TMEM135: variants seen among roughly 807,000 people sequenced by gnomAD.
The protein encoded by TMEM135 is peroxisomal membrane protein 52.
TMEM135 carries 30 observed loss-of-function variants against 60.3 expected under a neutral mutation model. That is an observed-to-expected ratio of 0.50 (90% CI 0.37 to 0.68). The LOEUF is 0.68. TMEM135 is among the 30% of genes least tolerant of loss of function. The pLI is 0.00. For synonymous variants in TMEM135, 190 were observed against 186.7 expected (o/e 1.02, Z -0.14); for missense variants, 468 against 548.8 (o/e 0.85, Z 1.47).
At chr11:87,084,207 G>A (rs138497437) in intron 3 of TMEM135, among the ~76,000 whole-genome samples, 3 of 152,288 alleles carry the variant, frequency 2.0e-5, no homozygotes, top group East Asian at 3.9e-4. Context: ...AGCAGGATGT[G>A]TGGATACTTT....
intron 5 of TMEM135, among the ~76,000 whole-genome samples, chr11:87,191,477 G>A (rs930743038): frequency 5.3e-5 from 8 of 152,080 alleles, no homozygotes; most frequent in East Asian, 3.9e-4. Flanking sequence ...TCTTGACCTC[G>A]TGATCTGCCT....
intron 3 of TMEM135, among the ~76,000 whole-genome samples, chr11:87,076,569 C>T (rs2135148727): frequency 6.6e-6 from 1 of 152,326 alleles, no homozygotes; most frequent in Non-Finnish European, 1.5e-5. Context: ...AGACAAAGTT[C>T]CCTTTTGTTT....
At chr11:87,077,682 C>T (rs535161546) in intron 3 of TMEM135, among the ~76,000 whole-genome samples, 12 of 152,280 alleles carry the variant, frequency 7.9e-5, no homozygotes, top group Admixed American at 2.6e-4. Flanking sequence ...AGTTGTTTAA[C>T]TACCATCACA....
chr11:87,323,641 G>A lies in TMEM135; in HGVS notation c.*2308G>A, dbSNP rs1169926203. The A allele has an allele frequency of 2.2e-6, 1 of 453,690 alleles. No individual in the cohort carries two copies. The highest frequency in any genetic ancestry group is 2.4e-5 in the Admixed American group (1 of 42,522). The allele number at this position is 453,690 out of a possible 1,614,324, so 28.1% of individuals were successfully genotyped here. A position where few individuals can be genotyped will look rare whatever the true frequency, so the allele number is the denominator to read the frequency against. On this transcript the variant is annotated 3_prime_UTR_variant, in exon 15 of 15. Transcript: ENST00000305494. ...TCTTTCTGACATTTTTATATAGATT[G>A]AGATTGAAAAACCGTGCATTTGGGG...
At chr11:87,115,942 A>G (rs1258143375) in intron 4 of TMEM135, among the ~76,000 whole-genome samples, 6 of 152,192 alleles carry the variant, frequency 3.9e-5, no homozygotes, top group Admixed American at 2.0e-4. Flanking sequence ...TATTTAACCT[A>G]TCAGTGAAAT....
chr11:87,063,626 A>G (rs1239503151), intron 1 of TMEM135, among the ~76,000 whole-genome samples: 1 of 152,238 alleles, frequency 6.6e-6, no homozygotes, highest in Non-Finnish European at 1.5e-5. Context: ...AAACAGAGGC[A>G]GTGGTCACCC....
intron 3 of TMEM135, among the ~76,000 whole-genome samples, chr11:87,087,302 A>AC (rs1488627929): frequency 6.6e-6 from 1 of 152,064 alleles, no homozygotes; most frequent in Non-Finnish European, 1.5e-5. Context: ...AAAAAAAAAA[A>AC]AAAAACCTTC....
At chr11:87,132,223 G>A (rs111500594) in intron 4 of TMEM135, among the ~76,000 whole-genome samples, 2,354 of 152,172 alleles carry the variant, frequency 0.015, 25 homozygotes, top group Non-Finnish European at 0.023. Context: ...CTGGTTCATG[G>A]AAAAATTATC....
intron 6 of TMEM135, among the ~76,000 whole-genome samples, chr11:87,248,257 G>T (rs1042605612): frequency 6.6e-6 from 1 of 152,116 alleles, no homozygotes; most frequent in African/African-American, 2.4e-5. Context: ...TCTATTTTTA[G>T]TTCTTTGAGA....
chr11:87,270,804 T>C (rs1026171280), intron 6 of TMEM135, among the ~76,000 whole-genome samples: 1 of 152,202 alleles, frequency 6.6e-6, no homozygotes, highest in African/African-American at 2.4e-5. Context: ...TATGTAATTT[T>C]GGCTTATAGG....
chr11:87,141,743 T>C (rs1365681853), intron 4 of TMEM135, among the ~76,000 whole-genome samples: 1 of 152,126 alleles, frequency 6.6e-6, no homozygotes, highest in African/African-American at 2.4e-5. Flanking sequence ...TAGCAGTGTC[T>C]ACCCTGCAGA....
Position 87,157,341 on chromosome 11 carries a change from G to A in TMEM135, c.397G>A (p.Ala133Thr). The A allele has an allele frequency of 6.2e-7, 1 of 1,611,776 alleles. No homozygotes were observed. Among genetic ancestry groups the A allele is most frequent in the Non-Finnish European group, 8.5e-7 (1 of 1,178,938 alleles). Residue 133 changes from alanine to threonine, a missense_variant and splice_region_variant, in exon 5 of 15, where the codon GCC (alanine) becomes ACC (threonine). Ala to Thr is a moderately conservative substitution (Grantham distance 58, BLOSUM62 0). Coordinates refer to ENST00000305494, the MANE Select transcript of TMEM135 (RefSeq NM_022918.4). ...GCTGTTTTTTTTTTTTAATTTACAG[G>A]CCACAGAAACACTATTCAGAATGGG... The part of the protein sequence containing the change: ...GLLTIYMANL[A>T]TETLFRMGVA...
chr11:87,141,974 A>G (rs1475700826), intron 4 of TMEM135, among the ~76,000 whole-genome samples: 1 of 152,222 alleles, frequency 6.6e-6, no homozygotes, highest in East Asian at 1.9e-4. Context: ...AATCTGAGGG[A>G]TCTAGCAGTA....
chr11:87,104,786 G>A (rs543344617), intron 4 of TMEM135, among the ~76,000 whole-genome samples: 23 of 152,144 alleles, frequency 1.5e-4, no homozygotes, highest in South Asian at 6.2e-4. Context: ...GCAACCGTAC[G>A]GAATTTATTT....
At position 87,326,339 on chromosome 11, in the gene TMEM135, A is replaced by G. The variant is rs187089236; in HGVS notation, c.*5006A>G. The G allele has an allele frequency of 2.3e-3, 1,057 of 454,070 alleles. 2 individuals carry two copies. The highest frequency in any genetic ancestry group is 3.9e-3 in the Non-Finnish European group (882 of 226,764). 28.1% of individuals were successfully genotyped at this position (454,070 alleles called of 1,614,324 possible). On this transcript the variant is annotated 3_prime_UTR_variant, in exon 15 of 15. Transcript: ENST00000305494. ...CCTATGTTGGCTGAGGTCACCCTGC[A>G]TTACTACTTTCCTCCATCCCTGAAC...
At chr11:87,109,655 A>G (rs749116233) in intron 4 of TMEM135, among the ~76,000 whole-genome samples, 11 of 152,222 alleles carry the variant, frequency 7.2e-5, no homozygotes, top group Non-Finnish European at 1.5e-4. Context: ...CATGGAAAAC[A>G]AAACCATGGA....
At chr11:87,106,029 A>G (rs562512534) in intron 4 of TMEM135, among the ~76,000 whole-genome samples, 1 of 151,962 alleles carries the variant, frequency 6.6e-6, no homozygotes, top group South Asian at 2.1e-4. Flanking sequence ...TGTGATGTTT[A>G]TCTTTTGTGC....
intron 5 of TMEM135, among the ~76,000 whole-genome samples, chr11:87,225,970 A>G (rs1031765017): frequency 1.3e-5 from 2 of 152,016 alleles, no homozygotes; most frequent in African/African-American, 4.8e-5. Context: ...GGTTACTTTA[A>G]AAAGAAATTT....
intron 5 of TMEM135, among the ~76,000 whole-genome samples, chr11:87,195,246 T>C (rs1939906705): frequency 6.6e-6 from 1 of 152,170 alleles, no homozygotes; most frequent in Non-Finnish European, 1.5e-5. Context: ...TTTTTTAAAA[T>C]ATGATTCTGA....
Sources: allele counts gnomAD v4.1 joint callset (sites outside exome capture counted in the v4.1 genomes callset), GRCh38; gene constraint gnomAD v4.1.1; transcripts MANE v1.5; gene names NCBI Gene and HGNC (gene_info 2026-07-23, HGNC 2026-07-21).